TLR2: variants seen among roughly 807,000 people sequenced by gnomAD.
TLR2 encodes the protein toll like receptor 2.
In TLR2, 7 loss-of-function variants were observed where a neutral mutation model predicts 9.1. The ratio of observed to expected loss-of-function variants is 0.77; its 90% CI spans 0.44 to 1.44. The LOEUF (loss-of-function observed/expected upper bound fraction) is 1.44. Among genes scored for constraint, TLR2 ranks in the 40% most tolerant of loss-of-function variants. The probability of loss-of-function intolerance (pLI) is 0.01; values close to 1 mark genes in which losing one functional copy is unlikely to be tolerated. For synonymous variants in TLR2, 317 were observed against 344.6 expected (o/e 0.92, Z 0.89); for missense variants, 812 against 904.6 (o/e 0.90, Z 1.31).
rs895243188 is a variant in TLR2, at chr4:153,703,412, G to T, written c.505G>T (p.Asp169Tyr). Residue 169 changes from aspartate (D) to tyrosine (Y), a missense_variant, in exon 3 of 3, where the codon GAT (aspartate) becomes TAT (tyrosine). Physicochemically the swap from Asp to Tyr is radical, Grantham distance 160 (BLOSUM62 -3). Transcript: ENST00000642700. ...MDTFTKIQRK[D>Y]FAGLTFLEEL... is the part of the protein sequence containing the mutation. ...CACCTTCACTAAGATTCAAAGAAAA[G>T]ATTTTGCTGGACTTACCTTCCTTGA... 24 of 1,613,964 alleles carry T rather than the reference G, an allele frequency of 1.5e-5. No homozygotes were observed. Among genetic ancestry groups the T allele is most frequent in the Non-Finnish European group, 1.9e-5 (22 of 1,180,018 alleles).
chr4:153,696,863 C>A (rs76014430), intron 2 of TLR2, among the ~76,000 whole-genome samples: 21 of 149,350 alleles, frequency 1.4e-4, no homozygotes, highest in Admixed American at 1.3e-4. Flanking sequence ...AGCCCATCTA[C>A]AAAAAAAAAA....
downstream of TLR2, among the ~76,000 whole-genome samples, chr4:153,708,426 T>C (rs1407385336): frequency 6.6e-6 from 1 of 152,244 alleles, no homozygotes; most frequent in Admixed American, 6.5e-5. Flanking sequence ...TCCCTACCCC[T>C]TGAACATGCC....
chr4:153,686,073 C>T (rs1578957018), intron 1 of TLR2, among the ~76,000 whole-genome samples: 1 of 152,298 alleles, frequency 6.6e-6, no homozygotes, highest in South Asian at 2.1e-4. Flanking sequence ...CTCATTCTCA[C>T]AATAAACTGC....
intron 2 of TLR2, among the ~76,000 whole-genome samples, chr4:153,694,541 T>C (rs970450559): frequency 6.6e-6 from 1 of 152,232 alleles, no homozygotes; most frequent in African/African-American, 2.4e-5. Context: ...TTTTTATTTT[T>C]AATATTTGTG....
In TLR2 at chr4:153,702,971, T is replaced by C. The variant is rs1349624316; in HGVS notation, c.64T>C (p.Ser22Pro). 2 of 1,613,934 alleles carry C rather than the reference T, an allele frequency of 1.2e-6. No homozygotes were observed. Among genetic ancestry groups the C allele is most frequent in the Admixed American group, 3.3e-5 (2 of 59,988 alleles). ...GVIISLSKEE[S>P]SNQASLSCDR... is the part of the protein sequence containing the mutation. ...CATCATCAGCCTCTCCAAGGAAGAA[T>C]CCTCCAATCAGGCTTCTCTGTCTTG... Residue 22 changes from serine to proline, a missense_variant, in exon 3 of 3, where the codon TCC becomes CCC. Transcript: ENST00000642700.
chr4:153,688,526 A>G (rs1735874337), intron 2 of TLR2: 2 of 152,330 alleles, frequency 1.3e-5, no homozygotes, highest in South Asian at 4.1e-4. Context: ...ATTTACTGAC[A>G]GCAAGCCAGT....
Position 153,704,124 on chromosome 4 carries a change from G to A in TLR2, c.1217G>A (p.Gly406Glu), listed in dbSNP as rs773976655. 3.1e-6 allele frequency: 5 copies of A among 1,613,912 alleles called. No individual in the cohort carries two copies. In the Admixed American group the frequency reaches 6.7e-5, roughly 22 times the overall value. ...CATTTGGCATCATTGGAAAAAACCG[G>A]AGAGACTTTGCTCACTCTGAAAAAC... Reference protein sequence around the residue: ...QNHLASLEKTGETLLTLKNLT... With the variant: ...QNHLASLEKTEETLLTLKNLT... The change falls in exon 3 of 3, where the codon GGA (glycine) becomes GAA (glutamate). Residue 406 changes from glycine (G) to glutamate (E), a missense_variant. Gly to Glu is a moderately conservative substitution (Grantham distance 98). Transcript: ENST00000642700.
At chr4:153,698,149 A>G (rs1215787346) in intron 2 of TLR2, among the ~76,000 whole-genome samples, 2 of 152,192 alleles carry the variant, frequency 1.3e-5, no homozygotes, top group Non-Finnish European at 2.9e-5. Context: ...TGATAAGTAC[A>G]GGTTTCTGAT....
chr4:153,706,960 C>T (rs1221400080), downstream of TLR2, among the ~76,000 whole-genome samples: 3 of 152,218 alleles, frequency 2.0e-5, no homozygotes, highest in Non-Finnish European at 2.9e-5. Context: ...AAGAGTACCA[C>T]GCCTAAGAGA....
intron 2 of TLR2, among the ~76,000 whole-genome samples, chr4:153,692,780 G>C (rs1736210453): frequency 6.6e-6 from 1 of 152,066 alleles, no homozygotes; most frequent in South Asian, 2.1e-4. Flanking sequence ...TGTCCATTGG[G>C]CCCTTCACAA....
At chr4:153,701,724 A>G (rs1736903267) in intron 2 of TLR2, 1 of 152,146 alleles carries the variant, frequency 6.6e-6, no homozygotes, top group South Asian at 2.1e-4. Flanking sequence ...CTAAGGAAAA[A>G]AAAAAGAAAA....
chr4:153,697,766 T>G lies in TLR2; in HGVS notation c.-16-5126T>G, dbSNP rs6836487. The stretch of plus-strand genomic sequence containing the variant: ...TATTGCATGGGAAGAATTGTTAAAT[T>G]ATAAGTGATGCTGAACTTTCTTTAA... On this transcript the variant is annotated intron_variant, in intron 2 of 2. Coordinates refer to ENST00000642700, the MANE Select transcript of TLR2 (RefSeq NM_001318789.2). 7.6e-3 allele frequency among the ~76,000 whole-genome samples: 1,153 copies of G among 152,284 alleles called. 17 individuals are homozygous for G. The highest frequency in any genetic ancestry group is 0.026 in the African/African-American group (1,073 of 41,570).
rs1428762965 is a variant in TLR2 at position 153,704,508 on chromosome 4, AC to A, written c.1602del (p.Phe535SerfsTer21). On this transcript the variant is annotated frameshift_variant, in exon 3 of 3. Transcript: ENST00000642700. LOFTEE classifies it low-confidence loss of function (END_TRUNC). ...AAGACTTTGGAAGCTGGTGGCAATA[AC>A]TTCATTTGCTCCTGTGAATTCCTCT... ...TLKTLEAGGN[N>X]FICSCEFLSF... 1 of 1,614,020 alleles carries A rather than the reference AC, an allele frequency of 6.2e-7. No homozygotes were observed. The highest frequency in any genetic ancestry group is 2.2e-5 in the East Asian group (1 of 44,880).
chr4:153,684,929 A>G (rs553085117), intron 1 of TLR2, among the ~76,000 whole-genome samples: 72 of 150,912 alleles, frequency 4.8e-4, no homozygotes, highest in African/African-American at 1.7e-3. Context: ...CTCGGATGAC[A>G]AAGATTGGGT....
At chr4:153,694,165 G>A (rs1736324501) in intron 2 of TLR2, among the ~76,000 whole-genome samples, 1 of 152,222 alleles carries the variant, frequency 6.6e-6, no homozygotes, top group Non-Finnish European at 1.5e-5. Context: ...CCAAAACAAA[G>A]CGATGGGCTC....
downstream of TLR2, among the ~76,000 whole-genome samples, chr4:153,707,640 T>C (rs1164211046): frequency 1.3e-5 from 2 of 152,358 alleles, no homozygotes; most frequent in East Asian, 3.9e-4. Context: ...TAATGGACTT[T>C]CTGCTTTACT....
downstream of TLR2, among the ~76,000 whole-genome samples, chr4:153,709,712 G>A (rs953200055): frequency 1.5e-4 from 23 of 152,366 alleles, no homozygotes; most frequent in African/African-American, 5.3e-4. Flanking sequence ...ACGTGTATGT[G>A]TGCACGCGCA....
At chr4:153,693,582 G>T (rs7674579) in intron 2 of TLR2, among the ~76,000 whole-genome samples, 147,396 of 152,282 alleles carry the variant, frequency 0.97, 71,488 homozygotes, top group East Asian at 1. Context: ...CTACTCTTTT[G>T]CTTCGAAATA....
Position 153,703,375 on chromosome 4 carries a change from G to A in TLR2, c.468G>A (p.Val156=). The A allele has an allele frequency of 6.2e-7, 1 of 1,614,078 alleles. No homozygotes were observed. Among genetic ancestry groups the A allele is most frequent in the Non-Finnish European group, 8.5e-7 (1 of 1,180,012 alleles). ...TCACAAAATTGCAAATCCTGAGAGT[G>A]GGAAATATGGACACCTTCACTAAGA... ...SHLTKLQILR[V]GNMDTFTKIQ... Residue 156 remains valine (V), a synonymous_variant, in exon 3 of 3, where the codon GTG becomes GTA. Coordinates refer to ENST00000642700, the MANE Select transcript of TLR2 (RefSeq NM_001318789.2).
Sources: allele counts gnomAD v4.1 joint callset (sites outside exome capture counted in the v4.1 genomes callset), GRCh38; gene constraint gnomAD v4.1.1; transcripts MANE v1.5; gene names NCBI Gene and HGNC (gene_info 2026-07-23, HGNC 2026-07-21).